HEATR5A: variants seen among roughly 807,000 people sequenced by gnomAD.
The protein encoded by HEATR5A is HEAT repeat-containing protein 5A.
In HEATR5A, 178 loss-of-function variants were observed where a neutral mutation model predicts 218.8. The observed-to-expected ratio is 0.81, with a 90% CI of 0.72 to 0.92. HEATR5A has a LOEUF of 0.92. Among genes scored for constraint, HEATR5A ranks in the 40% least tolerant of loss-of-function variants. The pLI, the probability that HEATR5A is intolerant of heterozygous loss-of-function variation, is 0.00. For synonymous variants in HEATR5A, 864 were observed against 871.6 expected, an observed-to-expected ratio of 0.99 and a Z score of 0.15; for missense variants, 2,420 against 2,418.9, an observed-to-expected ratio of 1.00 and a Z score of -0.01.
At chr14:31,363,185 G>A (rs1901683822) in intron 14 of HEATR5A, among the ~76,000 whole-genome samples, 1 of 151,224 alleles carries the variant, frequency 6.6e-6, no homozygotes, top group Non-Finnish European at 1.5e-5. Context: ...GTTTCAGTGA[G>A]CCGAGATCAT....
In HEATR5A at chr14:31,403,050, C is replaced by T; in HGVS notation, c.-74-1G>A. On this transcript the variant is annotated splice_acceptor_variant, in intron 1 of 35. Coordinates refer to ENST00000543095, the MANE Select transcript of HEATR5A (RefSeq NM_015473.4). LOFTEE classifies it low-confidence loss of function (5UTR_SPLICE). The stretch of plus-strand genomic sequence containing the variant: ...GGTCAATATACCTAACAATAAAAAT[C>T]TGCAATACAGGAAAATAATGTATTT... The T allele has an allele frequency of 7.6e-7, 1 of 1,318,240 alleles. No homozygotes were observed. Among genetic ancestry groups the T allele is most frequent in the East Asian group, 2.6e-5 (1 of 38,796 alleles). The allele number at this position is 1,318,240 out of a possible 1,614,324, so 81.7% of individuals were successfully genotyped here.
At chr14:31,312,280 CAACTT>C (rs1303688851) in intron 28 of HEATR5A, among the ~76,000 whole-genome samples, 2 of 152,112 alleles carry the variant, frequency 1.3e-5, no homozygotes, top group East Asian at 3.9e-4. Flanking sequence ...ATGGAAGAAA[CAACTT>C]AAAGATTCTT....
At chr14:31,395,814 C>A (rs1451137220) in intron 4 of HEATR5A, among the ~76,000 whole-genome samples, 3 of 152,180 alleles carry the variant, frequency 2.0e-5, no homozygotes, top group Non-Finnish European at 4.4e-5. Context: ...CAAGCCCAGA[C>A]ATACAACAAA....
intron 13 of HEATR5A, 110 bp downstream of exon 13, chr14:31,371,700 C>T (rs972723509): frequency 3.3e-5 from 15 of 453,524 alleles, no homozygotes; most frequent in African/African-American, 2.8e-4. Context: ...TAACTGATTG[C>T]CTTCCTCCAT....
intron 13 of HEATR5A, among the ~76,000 whole-genome samples, chr14:31,364,934 G>T (rs1056999800): frequency 2.6e-5 from 4 of 151,834 alleles, no homozygotes; most frequent in African/African-American, 9.7e-5. Context: ...AGTGGTAGTG[G>T]TATGATCTCG....
At chr14:31,412,679 T>G (rs542830467) in intron 1 of HEATR5A, among the ~76,000 whole-genome samples, 1 of 151,848 alleles carries the variant, frequency 6.6e-6, no homozygotes, top group Non-Finnish European at 1.5e-5. Context: ...TCACCTGAGG[T>G]CAGGAGTTCC....
In HEATR5A at chr14:31,414,867, G is replaced by A. The variant is rs1476770467; in HGVS notation, c.-75+5605C>T. 3.9e-5 allele frequency among the ~76,000 whole-genome samples: 6 copies of A among 152,198 alleles called. No individual in the cohort carries two copies. The East Asian group carries it at 1.2e-3, about 29-fold the overall frequency. Reference sequence around the variant, plus strand: ...TGTTTGTTTGTTTGTTTGTGACAGAGTCTCACTCTGTCGCCCCAGCTGGAG... The same window carrying A: ...TGTTTGTTTGTTTGTTTGTGACAGAATCTCACTCTGTCGCCCCAGCTGGAG... On this transcript the variant is annotated intron_variant, in intron 1 of 35. Coordinates refer to ENST00000543095, the MANE Select transcript of HEATR5A (RefSeq NM_015473.4).
At chr14:31,336,827 T>C (rs1379864581) in intron 22 of HEATR5A, among the ~76,000 whole-genome samples, 1 of 152,128 alleles carries the variant, frequency 6.6e-6, no homozygotes, top group Non-Finnish European at 1.5e-5. Context: ...CATGGCGTAA[T>C]AGGATTATGT....
At position 31,315,901 on chromosome 14, in the gene HEATR5A, G is replaced by A. The variant is rs1259377056; in HGVS notation, c.4087C>T (p.Leu1363Phe). Residue 1363 changes from leucine to phenylalanine, a missense_variant, in exon 27 of 36, where the codon CTC becomes TTC. By Grantham distance (22) the Leu-to-Phe change is conservative. Coordinates refer to ENST00000543095, the MANE Select transcript of HEATR5A (RefSeq NM_015473.4). ...ACAAGCAACTGATGAACTCTTCGGA[G>A]ATCATTAAGGTCACTTACAACTCCA... ...ASGVVSDLNDLRRVHQLLVSS... is the reference protein window; with the variant it reads ...ASGVVSDLNDFRRVHQLLVSS... 1 of 1,582,874 alleles carries A rather than the reference G, an allele frequency of 6.3e-7. No homozygotes were observed. Among genetic ancestry groups the A allele is most frequent in the East Asian group, 2.3e-5 (1 of 43,842 alleles).
intron 9 of HEATR5A, 80 bp from the exon 10 acceptor site, chr14:31,383,851 C>A: frequency 8.0e-6 from 8 of 1,002,186 alleles, no homozygotes; most frequent in Non-Finnish European, 1.1e-5. Context: ...AATACATAGC[C>A]ACATGGATAT....
At chr14:31,403,357 G>A (rs1268412116) in intron 1 of HEATR5A, among the ~76,000 whole-genome samples, 1 of 152,074 alleles carries the variant, frequency 6.6e-6, no homozygotes, top group African/African-American at 2.4e-5. Flanking sequence ...ATTCTGTGTT[G>A]GGTTTTCTTT....
At chr14:31,344,268 C>CTTTTTTTTTTTTTTTTATTTTTTTTTTTT in intron 20 of HEATR5A, among the ~76,000 whole-genome samples, 1 of 50,812 alleles carries the variant, frequency 2.0e-5, no homozygotes, top group Non-Finnish European at 3.7e-5. Context: ...ATTAGTTATT[C>CTTTTTTTTTTTTTTTTATTTTTTTTTTTT]TTTTTTTTTT....
chr14:31,308,540 T>C (rs969136438), intron 29 of HEATR5A, among the ~76,000 whole-genome samples: 2 of 151,178 alleles, frequency 1.3e-5, no homozygotes, highest in African/African-American at 4.9e-5. Context: ...AAACTAGGCT[T>C]GTGCACTAGT....
intron 1 of HEATR5A, among the ~76,000 whole-genome samples, chr14:31,418,188 T>C (rs577052842): frequency 2.0e-5 from 3 of 152,060 alleles, no homozygotes; most frequent in Non-Finnish European, 4.4e-5. Context: ...CAGCCTGGGC[T>C]ACAGAGCCAG....
At chr14:31,329,669 G>T (rs1361934547) in intron 22 of HEATR5A, among the ~76,000 whole-genome samples, 1 of 152,166 alleles carries the variant, frequency 6.6e-6, no homozygotes, top group African/African-American at 2.4e-5. Context: ...GGCGCACAGT[G>T]TAAGCTGTCA....
At chr14:31,296,548 CTTT>C (rs1414383784) in intron 33 of HEATR5A, 2 of 152,390 alleles carry the variant, frequency 1.3e-5, no homozygotes, top group East Asian at 3.8e-4. Context: ...ATTGTTTTCT[CTTT>C]GTTAAAGTAT....
At chr14:31,371,198 A>C (rs1056576247) in intron 13 of HEATR5A, among the ~76,000 whole-genome samples, 1 of 152,202 alleles carries the variant, frequency 6.6e-6, no homozygotes, top group African/African-American at 2.4e-5. Flanking sequence ...TGTATATCCT[A>C]AAGTATTTAC....
At chr14:31,359,285 A>T (rs2378855) in intron 14 of HEATR5A, among the ~76,000 whole-genome samples, 3,073 of 12,532 alleles carry the variant, frequency 0.25, 72 homozygotes, top group South Asian at 0.41. Flanking sequence ...TCAAAGTGTA[A>T]GAGTGTGTGT....
intron 22 of HEATR5A, among the ~76,000 whole-genome samples, chr14:31,335,519 A>C (rs1184706402): frequency 1.3e-5 from 2 of 152,130 alleles, no homozygotes; most frequent in Non-Finnish European, 2.9e-5. Context: ...CCTGAGAATA[A>C]AACTGTTACT....
Sources: gnomAD v4.1 joint callset for allele counts (sites outside exome capture counted in the v4.1 genomes callset) on GRCh38, gnomAD v4.1.1 for gene constraint, MANE v1.5 for transcripts, NCBI Gene and HGNC (gene_info 2026-07-23, HGNC 2026-07-21) for gene names.